The following FRK variants were observed in gnomAD, a reference collection of about 807,000 sequenced individuals.
FRK encodes tyrosine-protein kinase FRK.
FRK carries 51 observed loss-of-function variants against 56.4 expected under a neutral mutation model. That is an observed-to-expected ratio of 0.90 (90% CI 0.72 to 1.14). FRK has a LOEUF of 1.14. Ranked by LOEUF, FRK falls within the 50% of genes most tolerant of loss-of-function variation. FRK has a pLI of 0.00. For missense variants in FRK, 570 were observed against 601.4 expected (o/e 0.95, Z 0.55); for synonymous variants, 245 against 217.9 (o/e 1.12, Z -1.10).
chr6:115,974,882 A>G (rs1246996873), intron 2 of FRK, among the ~76,000 whole-genome samples: 1 of 152,032 alleles, frequency 6.6e-6, no homozygotes, highest in Non-Finnish European at 1.5e-5. Flanking sequence ...TATCACATAA[A>G]CCTGTTTAAT....
At chr6:116,036,619 G>T (rs1477689833) in intron 1 of FRK, among the ~76,000 whole-genome samples, 1 of 152,102 alleles carries the variant, frequency 6.6e-6, no homozygotes, top group Non-Finnish European at 1.5e-5. Flanking sequence ...GTTGAGCAAA[G>T]ATTCCTGAGA....
At chr6:115,949,613 T>C (rs1772630318) in intron 5 of FRK, among the ~76,000 whole-genome samples, 3 of 152,336 alleles carry the variant, frequency 2.0e-5, no homozygotes, top group Admixed American at 2.0e-4. Flanking sequence ...CTGCCCAAAG[T>C]AATTTAAAGA....
rs1772004181 is a variant in FRK, at chr6:115,934,083, A to G, written c.*8331T>C. ...TACCCGCATGTATATATTTAGAGAG[A>G]GAGAAAGGAGGGAGATGAGGTGATG... On this transcript the variant is annotated 3_prime_UTR_variant, in exon 8 of 8. Coordinates refer to ENST00000606080, the MANE Select transcript of FRK (RefSeq NM_002031.3). The G allele has an allele frequency of 6.6e-6, 1 of 152,168 alleles. No homozygotes were observed. The highest frequency in any genetic ancestry group is 2.4e-5 in the African/African-American group (1 of 41,442). 9.4% of individuals were successfully genotyped at this position (152,168 alleles called of 1,614,324 possible). A position where few individuals can be genotyped will look rare whatever the true frequency, so the allele number is the denominator to read the frequency against.
At chr6:115,958,656 GAAA>G (rs1773128612) in intron 4 of FRK, among the ~76,000 whole-genome samples, 1 of 2,344 alleles carries the variant, frequency 4.3e-4, no homozygotes, top group Admixed American at 4.3e-3. Context: ...AAGAAAGAAA[GAAA>G]GAAAGAAAGA....
At chr6:115,962,988 T>C (rs1084801) in intron 4 of FRK, among the ~76,000 whole-genome samples, 12,345 of 38,806 alleles carry the variant, frequency 0.32, 2,100 homozygotes, top group African/African-American at 0.35. Flanking sequence ...TTAAAAGAAC[T>C]AGAAAAGCAA....
intron 4 of FRK, among the ~76,000 whole-genome samples, chr6:115,958,565 T>G (rs796200295): frequency 9.4e-5 from 14 of 149,540 alleles, no homozygotes; most frequent in African/African-American, 3.5e-4. Flanking sequence ...GAGGTGGAGG[T>G]TACAGTGAGC....
intron 1 of FRK, among the ~76,000 whole-genome samples, chr6:116,023,021 A>T (rs938235391): frequency 1.3e-5 from 2 of 152,194 alleles, no homozygotes; most frequent in African/African-American, 4.8e-5. Context: ...TCACAAAAGG[A>T]AATATGAAGT....
At chr6:115,979,550 T>C (rs1774122317) in intron 2 of FRK, among the ~76,000 whole-genome samples, 1 of 152,164 alleles carries the variant, frequency 6.6e-6, no homozygotes, top group African/African-American at 2.4e-5. Flanking sequence ...TTTATAAATC[T>C]GATGTAGTCT....
At chr6:115,965,286 A>C (rs1361385242) in intron 4 of FRK, among the ~76,000 whole-genome samples, 1 of 86,324 alleles carries the variant, frequency 1.2e-5, no homozygotes, top group East Asian at 4.2e-4. Flanking sequence ...GCAGCCAAAA[A>C]ACACATGAAA....
the FRK span, among the ~76,000 whole-genome samples, chr6:116,068,834 TAAAA>T: frequency 1.4e-5 from 2 of 144,460 alleles, no homozygotes; most frequent in African/African-American, 5.1e-5. Flanking sequence ...AATTCAGGTT[TAAAA>T]AAAAAAAAAC....
At chr6:116,081,449 G>A in the FRK span, among the ~76,000 whole-genome samples, 1 of 152,114 alleles carries the variant, frequency 6.6e-6, no homozygotes, top group African/African-American at 2.4e-5. Flanking sequence ...CTGAGGTCAG[G>A]AGTTTCAGAC....
At chr6:116,080,434 G>A in the FRK span, among the ~76,000 whole-genome samples, 1 of 152,184 alleles carries the variant, frequency 6.6e-6, no homozygotes, top group African/African-American at 2.4e-5. Flanking sequence ...GATTACAGGC[G>A]TGAGCCATTG....
chr6:116,091,275 T>C, the FRK span, among the ~76,000 whole-genome samples: 1 of 152,172 alleles, frequency 6.6e-6, no homozygotes, highest in Admixed American at 6.5e-5. Flanking sequence ...TAAAGGATTG[T>C]AAATGCACTA....
At chr6:116,042,764 T>C (rs1247585598) in intron 1 of FRK, among the ~76,000 whole-genome samples, 1 of 152,126 alleles carries the variant, frequency 6.6e-6, no homozygotes, top group Non-Finnish European at 1.5e-5. Context: ...ATGGGCTAAA[T>C]GCTGCAACTA....
rs964408774 is a variant in FRK, at chr6:115,936,703, G to A, written c.*5711C>T. 2.0e-5 allele frequency: 3 copies of A among 152,074 alleles called. No homozygotes were observed. The highest frequency in any genetic ancestry group is 1.3e-4 in the Admixed American group (2 of 15,272). 9.4% of individuals were successfully genotyped at this position (152,074 alleles called of 1,614,324 possible). ...ATACACAATTATCAATAGCCAAGTC[G>A]ATAAAGCACAAGAAAGGATATCAAA... On this transcript the variant is annotated 3_prime_UTR_variant, in exon 8 of 8. Transcript: ENST00000606080.
intron 1 of FRK, among the ~76,000 whole-genome samples, chr6:116,032,779 G>A (rs567128857): frequency 3.9e-5 from 6 of 152,056 alleles, no homozygotes; most frequent in South Asian, 2.1e-4. Context: ...TAATAGCACC[G>A]CAGAATTGAT....
At chr6:115,991,257 T>A (rs1232724531) in intron 2 of FRK, among the ~76,000 whole-genome samples, 4 of 151,806 alleles carry the variant, frequency 2.6e-5, no homozygotes, top group African/African-American at 9.7e-5. Context: ...TTAAATGACT[T>A]TTATTTCTTT....
chr6:116,000,223 C>CTTTTTTTTTTTTTTTTTTTTTTT (rs561273499), intron 2 of FRK, among the ~76,000 whole-genome samples: 1 of 53,120 alleles, frequency 1.9e-5, no homozygotes, highest in African/African-American at 9.0e-5. Flanking sequence ...ATCATTCTTT[C>CTTTTTTTTTTTTTTTTTTTTTTT]TTTTTTTTTT....
chr6:115,974,243 T>C (rs905255140), intron 2 of FRK, among the ~76,000 whole-genome samples: 9 of 152,282 alleles, frequency 5.9e-5, no homozygotes, highest in African/African-American at 2.2e-4. Flanking sequence ...CCACAAAAGA[T>C]CTAATAGTCT....
Sources: allele counts gnomAD v4.1 joint callset (sites outside exome capture counted in the v4.1 genomes callset), GRCh38; gene constraint gnomAD v4.1.1; transcripts MANE v1.5; gene names NCBI Gene and HGNC (gene_info 2026-07-23, HGNC 2026-07-21).